Variants in MCOLN3 observed in about 807,000 individuals in gnomAD.
MCOLN3 encodes the protein mucolipin-3.
In MCOLN3, 62 loss-of-function variants were observed where a neutral mutation model predicts 69.4. The observed-to-expected ratio is 0.89, with a 90% CI of 0.73 to 1.10. The LOEUF (loss-of-function observed/expected upper bound fraction) is 1.10. Ranked by LOEUF, MCOLN3 falls within the 50% of genes least tolerant of loss-of-function variation. The probability of loss-of-function intolerance (pLI) is 0.00; values close to 1 mark genes in which losing one functional copy is unlikely to be tolerated. For synonymous variants in MCOLN3, 183 were observed against 217.0 expected (o/e 0.84, Z 1.38); for missense variants, 564 against 656.4 (o/e 0.86, Z 1.54).
At chr1:85,027,621 T>C (rs1053507806) in intron 7 of MCOLN3, among the ~76,000 whole-genome samples, 7 of 152,206 alleles carry the variant, frequency 4.6e-5, no homozygotes, top group African/African-American at 1.4e-4. Context: ...CTCCAGGTGA[T>C]GCTAAAGTTT....
intron 2 of MCOLN3, 84 bp from the exon 3 acceptor site, chr1:85,041,261 A>C: frequency 9.2e-7 from 1 of 1,090,732 alleles, no homozygotes; most frequent in South Asian, 1.7e-5. Context: ...CTTGAACAAC[A>C]AATAGAAGAG....
At chr1:85,045,858 T>A (rs1304230455) in intron 1 of MCOLN3, among the ~76,000 whole-genome samples, 1 of 152,144 alleles carries the variant, frequency 6.6e-6, no homozygotes, top group African/African-American at 2.4e-5. Flanking sequence ...CAGGGTGTAG[T>A]GTAAAGAACA....
chr1:85,034,073 G>A (rs1571110952), intron 4 of MCOLN3, 25 bp downstream of exon 4: 41 of 1,612,466 alleles, frequency 2.5e-5, no homozygotes, highest in Admixed American at 3.3e-5. Flanking sequence ...AAAAATTGAG[G>A]TTCTAGGTTA....
Position 85,022,525 on chromosome 1 carries a change from GTC to G in MCOLN3, c.1096-127_1096-126del, listed in dbSNP as rs1651996603. On this transcript the variant is annotated intron_variant, in intron 9 of 12. Transcript: ENST00000370589. ...AGGATAAAGCAGTGAACAAACAAAA[GTC>G]TCTGCTCTCATAAAGCTTACATTCT... 4.8e-6 allele frequency: 3 copies of G among 620,012 alleles called. No homozygotes were observed. In the South Asian group the frequency reaches 6.6e-5, roughly 14 times the overall value. The allele number at this position is 620,012 out of a possible 1,614,324, so 38.4% of individuals were successfully genotyped here. A position where few individuals can be genotyped will look rare whatever the true frequency, so the allele number is the denominator to read the frequency against.
intron 9 of MCOLN3, chr1:85,024,739 G>A (rs1366406606): frequency 1.3e-5 from 2 of 152,066 alleles, no homozygotes; most frequent in African/African-American, 4.8e-5. Flanking sequence ...GTTGAGGTTG[G>A]TAAAAATAAA....
chr1:85,044,802 T>A (rs1212951132), intron 2 of MCOLN3, among the ~76,000 whole-genome samples: 2 of 152,234 alleles, frequency 1.3e-5, no homozygotes, highest in Non-Finnish European at 2.9e-5. Flanking sequence ...AGTCCTAATG[T>A]TGGACAACAC....
intron 6 of MCOLN3, among the ~76,000 whole-genome samples, chr1:85,031,958 C>T (rs892969051): frequency 2.0e-5 from 3 of 151,930 alleles, no homozygotes; most frequent in Non-Finnish European, 4.4e-5. Flanking sequence ...CGCCTGTGGT[C>T]CCAGCTACTC....
chr1:85,042,095 G>A (rs34488432), intron 2 of MCOLN3, among the ~76,000 whole-genome samples: 2 of 152,026 alleles, frequency 1.3e-5, no homozygotes, highest in Admixed American at 6.6e-5. Flanking sequence ...TATGGAAGGC[G>A]GGAACAATGT....
intron 6 of MCOLN3, among the ~76,000 whole-genome samples, chr1:85,031,140 G>A (rs142766059): frequency 5.8e-4 from 88 of 152,048 alleles, no homozygotes; most frequent in African/African-American, 1.9e-3. Context: ...GCGTGGTAAC[G>A]TGTGCCTGTA....
intron 3 of MCOLN3, among the ~76,000 whole-genome samples, chr1:85,037,440 A>G (rs1295735422): frequency 6.6e-6 from 1 of 152,142 alleles, no homozygotes; most frequent in Non-Finnish European, 1.5e-5. Flanking sequence ...CACAAGAATC[A>G]CCTAAAGGTC....
chr1:85,030,257 A>G (rs1174826370), intron 6 of MCOLN3, among the ~76,000 whole-genome samples: 2 of 152,258 alleles, frequency 1.3e-5, no homozygotes. Context: ...TACAAATAAT[A>G]GGTGCTCACT....
Position 85,022,174 on chromosome 1 carries a change from G to T in MCOLN3, c.1216C>A (p.Gln406Lys). ...CTGATGACATTGGGCAGCGCTGCCT[G>T]AAGGGTCAAAATGAGGAGCTGGGAA... Reference protein sequence around the residue: ...AKYNLLILTLQAALPNVIRFC... With the variant: ...AKYNLLILTLKAALPNVIRFC... The change falls in exon 11 of 13, where the codon CAG (glutamine) becomes AAG (lysine). Residue 406 changes from glutamine (Q) to lysine (K), a missense_variant. By Grantham distance (53) the Gln-to-Lys change is moderately conservative. Transcript: ENST00000370589. The T allele has an allele frequency of 1.9e-6, 3 of 1,614,110 alleles. No homozygotes were observed. The South Asian group carries it at 3.3e-5, about 18-fold the overall frequency.
At chr1:85,045,762 T>C (rs988564360) in intron 1 of MCOLN3, among the ~76,000 whole-genome samples, 1 of 152,234 alleles carries the variant, frequency 6.6e-6, no homozygotes, top group Non-Finnish European at 1.5e-5. Context: ...CTTTCATATA[T>C]GTGGCTGTGG....
At chr1:85,047,794 T>C (rs183226735) in intron 1 of MCOLN3, among the ~76,000 whole-genome samples, 4 of 152,184 alleles carry the variant, frequency 2.6e-5, no homozygotes, top group African/African-American at 7.2e-5. Flanking sequence ...TTTTGTTGGG[T>C]AGTGTGTGCG....
Position 85,022,035 on chromosome 1 carries a change from T to G in MCOLN3, c.1320+35A>C, listed in dbSNP as rs753454604. Reference sequence around the variant, plus strand: ...AAGCCACTGGCACTATGCTAAAAGCTTAATAGTAACAGGAAAAAAGTTGTT... The same window carrying G: ...AAGCCACTGGCACTATGCTAAAAGCGTAATAGTAACAGGAAAAAAGTTGTT... On this transcript the variant is annotated intron_variant, in intron 11 of 12. Coordinates refer to ENST00000370589, the MANE Select transcript of MCOLN3 (RefSeq NM_018298.11). 7 of 1,600,254 alleles carry G rather than the reference T, an allele frequency of 4.4e-6. No individual in the cohort carries two copies. The African/African-American group carries it at 9.5e-5, about 22-fold the overall frequency.
chr1:85,028,768 T>C (rs939083880), intron 7 of MCOLN3, among the ~76,000 whole-genome samples: 2 of 152,186 alleles, frequency 1.3e-5, no homozygotes, highest in African/African-American at 4.8e-5. Flanking sequence ...TTTAAAAATA[T>C]TAAAATGAAG....
intron 12 of MCOLN3, among the ~76,000 whole-genome samples, chr1:85,020,267 G>A (rs186244068): frequency 4.6e-5 from 7 of 152,292 alleles, no homozygotes; most frequent in East Asian, 3.9e-4. Flanking sequence ...CTGGCTTCAT[G>A]AGCAAAGTAT....
At chr1:85,020,819 A>G (rs1238876878) in intron 12 of MCOLN3, among the ~76,000 whole-genome samples, 1 of 152,214 alleles carries the variant, frequency 6.6e-6, no homozygotes, top group Non-Finnish European at 1.5e-5. Context: ...CAGACTTCTA[A>G]TGACCCTTAT....
In MCOLN3 at chr1:85,031,513, G is replaced by A. The variant is rs145322484; in HGVS notation, c.732+1183C>T. ...AATATCACCTGTACCCCATAAATACGTATTCGTAAAATTTTTATTTAAAAG... is the reference window on the plus strand; with the variant it reads ...AATATCACCTGTACCCCATAAATACATATTCGTAAAATTTTTATTTAAAAG... On this transcript the variant is annotated intron_variant, in intron 6 of 12. Transcript: ENST00000370589. Among the ~76,000 whole-genome samples the A allele has an allele frequency of 3.6e-4, 54 of 152,076 alleles. 1 individual carries two copies. In the East Asian group the frequency reaches 6.4e-3, roughly 18 times the overall value.
Sources: gnomAD v4.1 joint callset for allele counts (sites outside exome capture counted in the v4.1 genomes callset) on GRCh38, gnomAD v4.1.1 for gene constraint, MANE v1.5 for transcripts, NCBI Gene and HGNC (gene_info 2026-07-23, HGNC 2026-07-21) for gene names.